The following XYLB variants were observed in gnomAD, a reference collection of about 807,000 sequenced individuals.
The protein encoded by XYLB is xylulose kinase.
In XYLB, 62 loss-of-function variants were observed where a neutral mutation model predicts 78.7. That is an observed-to-expected ratio of 0.79 (90% confidence interval 0.64 to 0.97). The LOEUF is 0.97. Among genes scored for constraint, XYLB ranks in the 50% least tolerant of loss-of-function variants. The pLI is 0.00. For missense variants in XYLB, 687 were observed against 676.8 expected (o/e 1.02, Z -0.17); for synonymous variants, 245 against 247.4 (o/e 0.99, Z 0.09).
chr3:38,417,176 C>T (rs539285336), downstream of XYLB, among the ~76,000 whole-genome samples: 4 of 152,318 alleles, frequency 2.6e-5, no homozygotes, highest in African/African-American at 9.6e-5. Flanking sequence ...TGGCCCACAC[C>T]TGTAATCCCA....
At chr3:38,415,882 C>T (rs1335892235), downstream of XYLB, among the ~76,000 whole-genome samples, 1 of 152,140 alleles carries the variant, frequency 6.6e-6, no homozygotes, top group Non-Finnish European at 1.5e-5. Flanking sequence ...AGGAAACCTA[C>T]AATCGTGGCA....
In XYLB at chr3:38,375,326, TGAG is replaced by T; in HGVS notation, c.1004+70_1004+72del. On this transcript the variant is annotated intron_variant, in intron 12 of 18. Transcript: ENST00000207870. ...GGTGTGGGCAGGTCTGGCACCATCT[TGAG>T]GACCCCAAGTCATTCCACTAAGCTC... The T allele has an allele frequency of 2.9e-6, 4 of 1,381,402 alleles. 1 individual carries two copies. In the South Asian group the frequency reaches 3.6e-5, roughly 12 times the overall value. The allele number at this position is 1,381,402 out of a possible 1,614,324, so 85.6% of individuals were successfully genotyped here. A position where few individuals can be genotyped will look rare whatever the true frequency, so the allele number is the denominator to read the frequency against.
intron 11 of XYLB, among the ~76,000 whole-genome samples, 153 bp from the exon 12 acceptor site, chr3:38,374,991 C>T (rs1459749969): frequency 6.6e-6 from 1 of 152,176 alleles, no homozygotes; most frequent in African/African-American, 2.4e-5. Context: ...ATGGGAGGGT[C>T]AGAAGTGGCT....
At chr3:38,446,038 C>T in the XYLB span, among the ~76,000 whole-genome samples, 1 of 152,088 alleles carries the variant, frequency 6.6e-6, no homozygotes, top group Admixed American at 6.5e-5. Flanking sequence ...GTGCCACGGA[C>T]CCAAAGATTG....
the XYLB span, among the ~76,000 whole-genome samples, chr3:38,434,745 A>G: frequency 6.6e-6 from 1 of 152,248 alleles, no homozygotes; most frequent in Non-Finnish European, 1.5e-5. Context: ...GAATATGCAT[A>G]ACAACCAGGA....
At chr3:38,359,134 G>C (rs1322920543) in intron 2 of XYLB, among the ~76,000 whole-genome samples, 1 of 152,236 alleles carries the variant, frequency 6.6e-6, no homozygotes. Context: ...GATAAACATT[G>C]TTTCTAAAGA....
intron 18 of XYLB, among the ~76,000 whole-genome samples, chr3:38,411,530 A>C (rs1708586754): frequency 6.6e-6 from 1 of 151,988 alleles, no homozygotes; most frequent in South Asian, 2.1e-4. Context: ...TAAAGTATAA[A>C]AAAAAAAATC....
chr3:38,406,337 G>C (rs1030175558), intron 18 of XYLB, among the ~76,000 whole-genome samples: 1 of 152,208 alleles, frequency 6.6e-6, no homozygotes, highest in Non-Finnish European at 1.5e-5. Flanking sequence ...CTGTCTGTTA[G>C]AAGGAAAACT....
rs1476186286 is a variant in XYLB at position 38,377,441 on chromosome 3, T to A, written c.1194+450T>A. On this transcript the variant is annotated intron_variant, in intron 14 of 18. Transcript: ENST00000207870. ...TTTCTATACCTTCCTCATTTACTTTTCTTTTTTTTTTTTTTTAATTTTTTG... is the reference window on the plus strand; with the variant it reads ...TTTCTATACCTTCCTCATTTACTTTACTTTTTTTTTTTTTTTAATTTTTTG... Among the ~76,000 whole-genome samples, 3 of 100,230 alleles carry A rather than the reference T, an allele frequency of 3.0e-5. No individual in the cohort carries two copies. In the East Asian group the frequency reaches 8.0e-4, roughly 27 times the overall value. 65.8% of individuals were successfully genotyped at this position (100,230 alleles called of 152,430 possible).
At chr3:38,377,057 C>G (rs1706897483) in intron 14 of XYLB, 66 bp downstream of exon 14, 1 of 1,375,456 alleles carries the variant, frequency 7.3e-7, no homozygotes, top group African/African-American at 1.4e-5. Flanking sequence ...TAACAATTGC[C>G]TATCAAATTA....
intron 14 of XYLB, 26 bp from the exon 15 acceptor site, chr3:38,379,220 C>G (rs1707022141): frequency 6.2e-7 from 1 of 1,611,588 alleles, no homozygotes; most frequent in African/African-American, 1.3e-5. Context: ...GTTCCTTACT[C>G]TGTGCCCACC....
chr3:38,438,846 GCTGATTGGTCCAATTTACAGAGCA>G, the XYLB span, among the ~76,000 whole-genome samples: 2 of 152,134 alleles, frequency 1.3e-5, no homozygotes, highest in African/African-American at 2.4e-5. Context: ...TTTACAGTGT[GCTGATTGGTCCAATTTACAGAGCA>G]CTGATTGGTC....
chr3:38,389,321 T>G (rs1707542213), intron 15 of XYLB, among the ~76,000 whole-genome samples: 1 of 150,824 alleles, frequency 6.6e-6, no homozygotes, highest in African/African-American at 2.4e-5. Context: ...CAGAACAAAA[T>G]GAAAAGTCTC....
At chr3:38,419,184 T>G (rs1390837609), downstream of XYLB, among the ~76,000 whole-genome samples, 1 of 152,226 alleles carries the variant, frequency 6.6e-6, no homozygotes, top group Admixed American at 6.5e-5. Flanking sequence ...TGTGATATTT[T>G]ATTAAATTTT....
At chr3:38,431,920 C>G in the XYLB span, among the ~76,000 whole-genome samples, 1 of 152,174 alleles carries the variant, frequency 6.6e-6, no homozygotes, top group Non-Finnish European at 1.5e-5. Flanking sequence ...CCTGGTCTTG[C>G]CCTTGACACA....
chr3:38,383,711 G>A (rs939876663), intron 15 of XYLB, among the ~76,000 whole-genome samples: 1 of 152,114 alleles, frequency 6.6e-6, no homozygotes. Context: ...GGGGATCGCT[G>A]GAGCCTGGGA....
intron 9 of XYLB, among the ~76,000 whole-genome samples, chr3:38,371,868 C>T (rs1031153216): frequency 6.6e-6 from 1 of 152,170 alleles, no homozygotes; most frequent in Non-Finnish European, 1.5e-5. Context: ...CTTTCTGACG[C>T]AGGTCAGAAA....
At chr3:38,366,177 G>C (rs1706252383) in intron 6 of XYLB, among the ~76,000 whole-genome samples, 1 of 152,074 alleles carries the variant, frequency 6.6e-6, no homozygotes. Context: ...TTGTCCCCAG[G>C]GGTGATTGTG....
rs1191683795 is a variant in XYLB, at chr3:38,414,775, T to C, written c.*1762T>C. On this transcript the variant is annotated 3_prime_UTR_variant, in exon 19 of 19. Transcript: ENST00000207870. The stretch of plus-strand genomic sequence containing the variant: ...CGTAGAAGGTAGGAGTAAGAAAAGC[T>C]AAGAGAAGCAAAACAAACAAAGCAA... The C allele has an allele frequency of 6.6e-6, 1 of 151,630 alleles. No individual in the cohort carries two copies. Among genetic ancestry groups the C allele is most frequent in the Non-Finnish European group, 1.5e-5 (1 of 67,970 alleles). 9.4% of individuals were successfully genotyped at this position (151,630 alleles called of 1,614,324 possible). A position where few individuals can be genotyped will look rare whatever the true frequency, so the allele number is the denominator to read the frequency against.
Sources: allele counts gnomAD v4.1 joint callset (sites outside exome capture counted in the v4.1 genomes callset), GRCh38; gene constraint gnomAD v4.1.1; transcripts MANE v1.5; gene names NCBI Gene and HGNC (gene_info 2026-07-23, HGNC 2026-07-21).